The following IGSF21 variants were observed in gnomAD, a reference collection of about 807,000 sequenced individuals.
IGSF21 encodes the protein immunoglobulin superfamily member 21.
In IGSF21, 28 loss-of-function variants were observed where a neutral mutation model predicts 46.8. That is an observed-to-expected ratio of 0.60 (90% confidence interval 0.44 to 0.82). The LOEUF is 0.82. IGSF21 is among the 40% of genes least tolerant of loss of function. IGSF21 has a pLI of 0.00. For synonymous variants in IGSF21, 284 were observed against 273.6 expected (o/e 1.04, Z -0.38); for missense variants, 624 against 665.5 (o/e 0.94, Z 0.69).
chr1:18,259,853 C>T (rs1257665650), intron 2 of IGSF21, among the ~76,000 whole-genome samples: 4 of 152,100 alleles, frequency 2.6e-5, no homozygotes, highest in Non-Finnish European at 5.9e-5. Context: ...GAAGGGCTCA[C>T]CATGGAAAGA....
At chr1:18,131,321 A>G (rs929090247) in intron 1 of IGSF21, among the ~76,000 whole-genome samples, 5 of 152,154 alleles carry the variant, frequency 3.3e-5, no homozygotes, top group Non-Finnish European at 7.4e-5. Context: ...TCCATCCCAG[A>G]CTGATTTTCT....
chr1:18,231,981 G>A (rs1362692744), intron 2 of IGSF21, among the ~76,000 whole-genome samples: 1 of 143,750 alleles, frequency 7.0e-6, no homozygotes, highest in Non-Finnish European at 1.6e-5. Context: ...GGTGAAAAAA[G>A]GGAGATGGTC....
chr1:18,213,374 G>T (rs776600426), intron 1 of IGSF21, among the ~76,000 whole-genome samples: 4 of 152,092 alleles, frequency 2.6e-5, no homozygotes, highest in Non-Finnish European at 5.9e-5. Flanking sequence ...AGGGCTTTTG[G>T]GGACCATAGG....
intron 4 of IGSF21, chr1:18,361,775 G>A (rs973540950): frequency 4.4e-5 from 9 of 204,872 alleles, no homozygotes; most frequent in African/African-American, 1.8e-4. Flanking sequence ...CTTCAGCAGC[G>A]TCTGCCCAGA....
intron 2 of IGSF21, among the ~76,000 whole-genome samples, chr1:18,246,738 G>A (rs1415139273): frequency 2.0e-5 from 3 of 152,184 alleles, no homozygotes; most frequent in Non-Finnish European, 2.9e-5. Context: ...CGGCACCAAA[G>A]AGCTGCCCTG....
Position 18,365,116 on chromosome 1 carries a change from A to T in IGSF21, c.541-107A>T. The stretch of plus-strand genomic sequence containing the variant: ...GGTGAGGGCTACTGTCTAGACTACT[A>T]TGCTCTGGAAGAACTGGCATCCTGT... On this transcript the variant is annotated intron_variant, in intron 5 of 9. Transcript: ENST00000251296. The surrounding 1 kb of genome is among the most constrained non-coding windows in gnomAD (Gnocchi z 4.8). 1.2e-6 allele frequency: 1 copy of T among 820,052 alleles called. No homozygotes were observed. The highest frequency in any genetic ancestry group is 2.0e-6 in the Non-Finnish European group (1 of 497,508). The allele number at this position is 820,052 out of a possible 1,614,324, so 50.8% of individuals were successfully genotyped here. A position where few individuals can be genotyped will look rare whatever the true frequency, so the allele number is the denominator to read the frequency against.
At chr1:18,288,783 G>A (rs1003150652) in intron 2 of IGSF21, among the ~76,000 whole-genome samples, 1 of 152,192 alleles carries the variant, frequency 6.6e-6, no homozygotes, top group African/African-American at 2.4e-5. Context: ...ACAGACAGCT[G>A]GGACAGTGGG....
intron 1 of IGSF21, among the ~76,000 whole-genome samples, chr1:18,156,729 G>C (rs940986438): frequency 6.6e-6 from 1 of 152,240 alleles, no homozygotes; most frequent in Non-Finnish European, 1.5e-5. Context: ...TGAGGCTTTT[G>C]TCTCTGAGTG....
chr1:18,250,470 G>A (rs2084830665), intron 2 of IGSF21, among the ~76,000 whole-genome samples: 1 of 152,172 alleles, frequency 6.6e-6, no homozygotes, highest in African/African-American at 2.4e-5. Flanking sequence ...TCACTGTGCA[G>A]TGTGTCTAAC....
intron 3 of IGSF21, 33 bp downstream of exon 3, chr1:18,292,020 G>C (rs2085272726): frequency 6.2e-7 from 1 of 1,606,674 alleles, no homozygotes; most frequent in Non-Finnish European, 8.5e-7. Context: ...CCGACAGCGG[G>C]GGAAGGGCGG....
intron 1 of IGSF21, among the ~76,000 whole-genome samples, chr1:18,143,424 C>A (rs2086436190): frequency 6.6e-6 from 1 of 152,168 alleles, no homozygotes; most frequent in Non-Finnish European, 1.5e-5. Flanking sequence ...TCTGAGCACT[C>A]TCCCTCCTGC....
Position 18,162,177 on chromosome 1 carries a change from C to T in IGSF21, c.70+53979C>T, listed in dbSNP as rs377003254. Among the ~76,000 whole-genome samples, 36 of 152,222 alleles carry T rather than the reference C, an allele frequency of 2.4e-4. No homozygotes were observed. The East Asian group carries it at 4.2e-3, about 18-fold the overall frequency. On this transcript the variant is annotated intron_variant, in intron 1 of 9. Transcript: ENST00000251296. The stretch of plus-strand genomic sequence containing the variant: ...CCTCTCACCTCAACCTCCTGAGTAG[C>T]TGGGACTACAGGCACGTGCCACCAC...
At chr1:18,261,222 G>A (rs1405486696) in intron 2 of IGSF21, among the ~76,000 whole-genome samples, 3 of 152,214 alleles carry the variant, frequency 2.0e-5, no homozygotes. Flanking sequence ...GAAGCCCTTA[G>A]CACCGTGGCT....
chr1:18,249,039 G>A lies in IGSF21; in HGVS notation c.183+21029G>A, dbSNP rs76963546. Among the ~76,000 whole-genome samples the A allele has an allele frequency of 9.2e-3, 1,400 of 152,244 alleles. 19 individuals carry two copies. The highest frequency in any genetic ancestry group is 0.031 in the African/African-American group (1,293 of 41,546). ...AAATGAGAGAAAGTGTGGCACCCCC[G>A]CCCAAATTAAACTGGATCATGCGTT... On this transcript the variant is annotated intron_variant, in intron 2 of 9. Transcript: ENST00000251296.
chr1:18,185,049 G>A (rs982813221), intron 1 of IGSF21, among the ~76,000 whole-genome samples: 1 of 152,214 alleles, frequency 6.6e-6, no homozygotes, highest in African/African-American at 2.4e-5. Context: ...CTTGATGAAT[G>A]TTGGTTGTTG....
intron 4 of IGSF21, among the ~76,000 whole-genome samples, chr1:18,341,012 CTCTTCT>C (rs10536109): frequency 0.15 from 13,039 of 85,120 alleles, 1,152 homozygotes; most frequent in South Asian, 0.21. Flanking sequence ...CCTCCTTCTT[CTCTTCT>C]TCTTCTTCTT....
intron 2 of IGSF21, among the ~76,000 whole-genome samples, chr1:18,254,433 T>TACAGC (rs1569641778): frequency 6.9e-6 from 1 of 145,254 alleles, no homozygotes; most frequent in African/African-American, 2.8e-5. Context: ...CTAGGTATCT[T>TACAGC]TAACCCTAAC....
intron 1 of IGSF21, among the ~76,000 whole-genome samples, chr1:18,129,162 T>C (rs2086297759): frequency 6.6e-6 from 1 of 152,120 alleles, no homozygotes; most frequent in South Asian, 2.1e-4. Flanking sequence ...ATTAGCAGTA[T>C]AGCGTTATGG....
chr1:18,352,059 G>C (rs368459735), intron 4 of IGSF21, among the ~76,000 whole-genome samples: 1 of 152,184 alleles, frequency 6.6e-6, no homozygotes, highest in Non-Finnish European at 1.5e-5. Context: ...ACCGGTTGTG[G>C]GGAGTGGAGC....
Sources: gnomAD v4.1 joint callset for allele counts (sites outside exome capture counted in the v4.1 genomes callset) on GRCh38, gnomAD v4.1.1 for gene constraint, Gnocchi (gnomAD v3.1) non-coding constraint, MANE v1.5 for transcripts, NCBI Gene and HGNC (gene_info 2026-07-23, HGNC 2026-07-21) for gene names.